Variants in DISC1 observed in about 807,000 individuals in gnomAD.
DISC1 encodes disrupted in schizophrenia 1 protein.
A neutral mutation model predicts 84.5 loss-of-function variants in DISC1; 57 were observed. The observed-to-expected ratio is 0.67, with a 90% CI of 0.55 to 0.84. The LOEUF (loss-of-function observed/expected upper bound fraction) is 0.84, where lower values mean the gene tolerates loss of function less well. Among genes scored for constraint, DISC1 ranks in the 40% least tolerant of loss-of-function variants. The probability of loss-of-function intolerance (pLI) is 0.00; values close to 1 mark genes in which losing one functional copy is unlikely to be tolerated. For synonymous variants in DISC1, 411 were observed against 415.2 expected, an observed-to-expected ratio of 0.99 and a Z score of 0.12; for missense variants, 1,000 against 1,057.8, an observed-to-expected ratio of 0.95 and a Z score of 0.76.
intron 9 of DISC1, among the ~76,000 whole-genome samples, chr1:231,928,207 A>C (rs568686175): frequency 1.3e-5 from 2 of 152,230 alleles, no homozygotes; most frequent in Non-Finnish European, 2.9e-5. Flanking sequence ...TCAGCTATTA[A>C]AACTGGAGAG....
At chr1:231,871,164 G>C (rs1301938500) in intron 9 of DISC1, among the ~76,000 whole-genome samples, 4 of 152,266 alleles carry the variant, frequency 2.6e-5, no homozygotes, top group Middle Eastern at 3.4e-3. Flanking sequence ...CTTTCTTGTT[G>C]GTTGGTGCTG....
chr1:231,875,541 T>C (rs1010734252), intron 9 of DISC1, among the ~76,000 whole-genome samples: 1 of 152,228 alleles, frequency 6.6e-6, no homozygotes, highest in African/African-American at 2.4e-5. Flanking sequence ...CTCACTTCCC[T>C]GGCCTTGACC....
chr1:231,745,249 T>G (rs1307233663), intron 3 of DISC1, among the ~76,000 whole-genome samples: 1 of 151,958 alleles, frequency 6.6e-6, no homozygotes, highest in African/African-American at 2.4e-5. Context: ...TGAGACGTAG[T>G]TTTCCTCTGT....
chr1:231,821,705 C>T (rs199917300), intron 9 of DISC1, among the ~76,000 whole-genome samples: 20 of 144,264 alleles, frequency 1.4e-4, no homozygotes, highest in Middle Eastern at 3.6e-3. Flanking sequence ...TTACAGTTTG[C>T]TACATCTGCT....
At position 231,861,469 on chromosome 1, in the gene DISC1, T is replaced by G. The variant is rs1396257337; in HGVS notation, c.1981+42952T>G. 4.7e-5 allele frequency among the ~76,000 whole-genome samples: 7 copies of G among 149,036 alleles called. No homozygotes were observed. In the East Asian group the frequency reaches 1.2e-3, roughly 25 times the overall value. ...TTTGACAAGTTTTTTTTTTTTTTTT[T>G]TTTTTTTTGGTTGTTGTGGTTTTGG... On this transcript the variant is annotated intron_variant, in intron 9 of 12. Coordinates refer to ENST00000439617, the MANE Select transcript of DISC1 (RefSeq NM_018662.3).
chr1:231,836,353 A>G (rs951480390), intron 9 of DISC1, among the ~76,000 whole-genome samples: 1 of 152,130 alleles, frequency 6.6e-6, no homozygotes, highest in Non-Finnish European at 1.5e-5. Flanking sequence ...AGGGGGTTCA[A>G]AGAAATGGTA....
At chr1:231,844,939 A>G (rs1345104269) in intron 9 of DISC1, among the ~76,000 whole-genome samples, 5 of 151,260 alleles carry the variant, frequency 3.3e-5, no homozygotes, top group Admixed American at 2.6e-4. Context: ...AAAAAAAAAA[A>G]AAAGAAAAAA....
chr1:231,991,823 G>A (rs538050448), intron 10 of DISC1, among the ~76,000 whole-genome samples: 10 of 152,298 alleles, frequency 6.6e-5, no homozygotes, highest in Admixed American at 3.9e-4. Flanking sequence ...GCAGTTTTAA[G>A]TGCATCCTTC....
At chr1:231,644,041 A>C (rs1452329538) in intron 1 of DISC1, among the ~76,000 whole-genome samples, 1 of 152,228 alleles carries the variant, frequency 6.6e-6, no homozygotes, top group Non-Finnish European at 1.5e-5. Context: ...TGTCAACAAG[A>C]GAAAGATGTT....
Position 232,009,304 on chromosome 1 carries a change from T to C in DISC1, c.2307+255T>C. 1.6e-6 allele frequency: 2 copies of C among 1,274,616 alleles called. No homozygotes were observed. Among genetic ancestry groups the C allele is most frequent in the Non-Finnish European group, 2.0e-6 (2 of 1,003,408 alleles). The allele number at this position is 1,274,616 out of a possible 1,614,324, so 79.0% of individuals were successfully genotyped here. On this transcript the variant is annotated intron_variant, in intron 11 of 12. Transcript: ENST00000439617. This position sits in a 1 kb window ranked among gnomAD's most constrained non-coding sequence, Gnocchi z 4.6. ...TTCATTCTAATTTAGTGGCTAGAATTAGAATATGCAGTCTAATATAGAATT... is the reference window on the plus strand; with the variant it reads ...TTCATTCTAATTTAGTGGCTAGAATCAGAATATGCAGTCTAATATAGAATT...
chr1:231,893,944 A>C (rs2087463596), intron 9 of DISC1, among the ~76,000 whole-genome samples: 2 of 152,232 alleles, frequency 1.3e-5, no homozygotes, highest in African/African-American at 4.8e-5. Context: ...GGATCTTCTT[A>C]TTAGAAATGA....
chr1:232,002,561 A>C (rs548865894), intron 10 of DISC1, among the ~76,000 whole-genome samples: 1 of 151,538 alleles, frequency 6.6e-6, no homozygotes, highest in Non-Finnish European at 1.5e-5. Flanking sequence ...AGGAATAAAC[A>C]ATTGATACAC....
At chr1:231,768,076 G>A (rs925622478) in intron 5 of DISC1, among the ~76,000 whole-genome samples, 4 of 152,120 alleles carry the variant, frequency 2.6e-5, no homozygotes, top group African/African-American at 9.7e-5. Context: ...AATCATCGAG[G>A]GGCTACAAAT....
chr1:231,851,846 C>T (rs2083924806), intron 9 of DISC1, among the ~76,000 whole-genome samples: 1 of 152,080 alleles, frequency 6.6e-6, no homozygotes, highest in African/African-American at 2.4e-5. Context: ...TTACAAAAGG[C>T]TTAGAATATA....
intron 2 of DISC1, among the ~76,000 whole-genome samples, chr1:231,696,081 AG>A (rs2065663690): frequency 6.6e-6 from 1 of 152,146 alleles, no homozygotes; most frequent in Non-Finnish European, 1.5e-5. Context: ...TTGAATGCAT[AG>A]AATCTATCCA....
At chr1:231,642,699 T>G (rs1451118935) in intron 1 of DISC1, among the ~76,000 whole-genome samples, 2 of 152,184 alleles carry the variant, frequency 1.3e-5, no homozygotes, top group Non-Finnish European at 2.9e-5. Flanking sequence ...CAATTCTCCA[T>G]TAGGACATTG....
intron 12 of DISC1, among the ~76,000 whole-genome samples, chr1:232,034,666 C>T (rs1670352927): frequency 6.6e-6 from 1 of 152,160 alleles, no homozygotes; most frequent in African/African-American, 2.4e-5. Context: ...CAAATAGTGG[C>T]ATGTAGTCCC....
chr1:231,848,464 G>A (rs1393398072), intron 9 of DISC1, among the ~76,000 whole-genome samples: 1 of 152,164 alleles, frequency 6.6e-6, no homozygotes, highest in Non-Finnish European at 1.5e-5. Flanking sequence ...CATCTGGAAA[G>A]CTAGTTAAAA....
chr1:231,745,077 ATT>A (rs1390981394), intron 3 of DISC1, among the ~76,000 whole-genome samples: 2 of 152,036 alleles, frequency 1.3e-5, no homozygotes, highest in African/African-American at 4.8e-5. Context: ...TAATATCTTT[ATT>A]TTTTGTCAAT....
Sources: allele counts gnomAD v4.1 joint callset (sites outside exome capture counted in the v4.1 genomes callset), GRCh38; gene constraint gnomAD v4.1.1; non-coding constraint Gnocchi (gnomAD v3.1); transcripts MANE v1.5; gene names NCBI Gene and HGNC (gene_info 2026-07-23, HGNC 2026-07-21).